The following DENND4A variants were observed in gnomAD, a reference collection of about 807,000 sequenced individuals.
The protein encoded by DENND4A is DENN domain containing 4A.
Under a neutral mutation model 199.3 loss-of-function variants are expected in DENND4A, and 70 were observed. The ratio of observed to expected loss-of-function variants is 0.35; its 90% CI spans 0.29 to 0.43. The LOEUF (loss-of-function observed/expected upper bound fraction) is 0.43. Ranked by LOEUF, DENND4A falls within the 20% of genes least tolerant of loss-of-function variation. DENND4A has a pLI of 1.00. For missense variants in DENND4A, 1,723 were observed against 2,255.8 expected (o/e 0.76, Z 4.78); for synonymous variants, 686 against 766.9 (o/e 0.89, Z 1.74).
intron 4 of DENND4A, among the ~76,000 whole-genome samples, chr15:65,742,494 C>A (rs1206681195): frequency 6.7e-6 from 1 of 149,908 alleles, no homozygotes; most frequent in East Asian, 2.0e-4. Flanking sequence ...GGTGCAATCT[C>A]AGCTCACTGC....
intron 11 of DENND4A, among the ~76,000 whole-genome samples, chr15:65,727,069 T>C (rs1030572701): frequency 2.0e-5 from 3 of 152,132 alleles, no homozygotes; most frequent in Non-Finnish European, 2.9e-5. Context: ...ATCCCAATGC[T>C]TTGAGATGCC....
chr15:65,785,679 C>T (rs974523579), intron 1 of DENND4A, among the ~76,000 whole-genome samples: 1 of 151,822 alleles, frequency 6.6e-6, no homozygotes, highest in African/African-American at 2.4e-5. Flanking sequence ...AAAATAACTA[C>T]GTATATAATA....
At chr15:65,662,834 G>T (rs8027260) in intron 32 of DENND4A, among the ~76,000 whole-genome samples, 83,371 of 151,928 alleles carry the variant, frequency 0.55, 24,912 homozygotes, top group East Asian at 0.81. Flanking sequence ...AAGGCTTGTT[G>T]GAGTTGAGTC....
At chr15:65,740,715 C>G (rs190183863) in intron 5 of DENND4A, among the ~76,000 whole-genome samples, 44 of 151,756 alleles carry the variant, frequency 2.9e-4, no homozygotes, top group Admixed American at 1.1e-3. Flanking sequence ...AATCCCATCA[C>G]TTTAGGAGGC....
rs1038091769 is a variant in DENND4A at position 65,733,569 on chromosome 15, G to A, written c.1041-751C>T. 9.9e-5 allele frequency among the ~76,000 whole-genome samples: 15 copies of A among 152,074 alleles called. No individual in the cohort carries two copies. In the South Asian group the frequency reaches 1.7e-3, roughly 17 times the overall value. Reference sequence around the variant, plus strand: ...ATTTATTAATTTACAAATATGTTTTGACTGTTTACTATATAAAAACACACC... The same window carrying A: ...ATTTATTAATTTACAAATATGTTTTAACTGTTTACTATATAAAAACACACC... On this transcript the variant is annotated intron_variant, in intron 7 of 32. Coordinates refer to ENST00000443035, the MANE Select transcript of DENND4A (RefSeq NM_001320835.1).
chr15:65,756,163 A>T lies in DENND4A; in HGVS notation c.288T>A (p.Asp96Glu). Residue 96 changes from aspartate to glutamate, a missense_variant, in exon 3 of 33, where the codon GAT becomes GAA. By Grantham distance (45) the Asp-to-Glu change is conservative. This residue lies in a region of DENND4A where 725 missense variants were observed against 952.9 expected (regional missense o/e 0.76). Coordinates refer to ENST00000443035, the MANE Select transcript of DENND4A (RefSeq NM_001320835.1). Reference sequence around the variant, plus strand: ...ACCCCAGATCTGTAAGTGGAGGCTTATCTCTTCCTCTTCTATAGCAAAGGT... The same window carrying T: ...ACCCCAGATCTGTAAGTGGAGGCTTTTCTCTTCCTCTTCTATAGCAAAGGT... ...QIYLCYRRGR[D>E]KPPLTDLGVL... is the part of the protein sequence containing the mutation. 6.2e-7 allele frequency: 1 copy of T among 1,609,490 alleles called. No homozygotes were observed. Among genetic ancestry groups the T allele is most frequent in the Non-Finnish European group, 8.5e-7 (1 of 1,177,684 alleles).
chr15:65,771,471 A>G, intron 1 of DENND4A: 1 of 1,609,390 alleles, frequency 6.2e-7, no homozygotes, highest in Non-Finnish European at 8.5e-7. Context: ...CCTGTTCCAG[A>G]TCTGGGATAG....
chr15:65,756,156 GA>G lies in DENND4A; in HGVS notation c.294del (p.Pro99HisfsTer15). On this transcript the variant is annotated frameshift_variant, in exon 3 of 33. Coordinates refer to ENST00000443035, the MANE Select transcript of DENND4A (RefSeq NM_001320835.1). LOFTEE classifies it high-confidence loss of function. ...AATACTTACCCCAGATCTGTAAGTG[GA>G]GGCTTATCTCTTCCTCTTCTATAGC... ...YLCYRRGRDK[P>X]PLTDLGVLYD... is the part of the protein sequence containing the mutation. 1 of 1,607,424 alleles carries G rather than the reference GA, an allele frequency of 6.2e-7. No individual in the cohort carries two copies.
At chr15:65,676,365 C>A in intron 24 of DENND4A, 80 bp downstream of exon 24, 1 of 1,206,886 alleles carries the variant, frequency 8.3e-7, no homozygotes, top group South Asian at 2.1e-5. Flanking sequence ...AACATTAAAT[C>A]ATAAAGAAAA....
intron 2 of DENND4A, among the ~76,000 whole-genome samples, chr15:65,757,037 C>CAAATAAAT (rs537036343): frequency 2.0e-5 from 3 of 151,972 alleles, no homozygotes; most frequent in East Asian, 1.9e-4. Flanking sequence ...AACTCCATCT[C>CAAATAAAT]AAATAAATAA....
At chr15:65,671,124 A>G (rs980011489) in intron 25 of DENND4A, among the ~76,000 whole-genome samples, 2 of 152,234 alleles carry the variant, frequency 1.3e-5, no homozygotes, top group African/African-American at 4.8e-5. Flanking sequence ...CCAAAAAAGT[A>G]TGCTTGCATA....
In DENND4A at chr15:65,792,244, T is replaced by C. The variant is rs1480822883; in HGVS notation, c.-336A>G. 2.0e-5 allele frequency: 3 copies of C among 151,310 alleles called. No homozygotes were observed. Among genetic ancestry groups the C allele is most frequent in the East Asian group, 2.0e-4 (1 of 4,994 alleles). 9.4% of individuals were successfully genotyped at this position (151,310 alleles called of 1,614,324 possible). A position where few individuals can be genotyped will look rare whatever the true frequency, so the allele number is the denominator to read the frequency against. On this transcript the variant is annotated 5_prime_UTR_variant, in exon 1 of 33. Coordinates refer to ENST00000443035, the MANE Select transcript of DENND4A (RefSeq NM_001320835.1). ...GCGGCCGCCACTGCCTCCGCCTCTT[T>C]CTCCGACTCTAGCCTCCGCGGCCAC...
chr15:65,682,762 T>G lies in DENND4A; in HGVS notation c.4180-6128A>C, dbSNP rs370671856. Among the ~76,000 whole-genome samples, 14 of 152,314 alleles carry G rather than the reference T, an allele frequency of 9.2e-5. 1 individual carries two copies. The highest frequency in any genetic ancestry group is 3.4e-4 in the African/African-American group (14 of 41,572). On this transcript the variant is annotated intron_variant, in intron 23 of 32. Coordinates refer to ENST00000443035, the MANE Select transcript of DENND4A (RefSeq NM_001320835.1). ...AAAGTGAAAAATGTGTGACTCGTCC[T>G]TTCATGTGAACACTTTAGAAGCCAC...
chr15:65,681,222 C>T (rs1472726603), intron 23 of DENND4A: 1 of 152,218 alleles, frequency 6.6e-6, no homozygotes, highest in African/African-American at 2.4e-5. Context: ...TGCATAATTC[C>T]TCCACTGAAG....
intron 4 of DENND4A, 62 bp downstream of exon 4, chr15:65,752,317 G>GTT: frequency 7.9e-6 from 2 of 251,854 alleles, no homozygotes; most frequent in Non-Finnish European, 7.1e-6. Flanking sequence ...AAAAAAAGAT[G>GTT]TATTTAAAAT....
chr15:65,732,884 T>C, intron 7 of DENND4A, 66 bp from the exon 8 acceptor site: 1 of 925,530 alleles, frequency 1.1e-6, no homozygotes, highest in East Asian at 2.5e-5. Context: ...GCTCAACATG[T>C]CATCACAAGT....
intron 32 of DENND4A, among the ~76,000 whole-genome samples, chr15:65,663,440 C>A (rs2075938055): frequency 6.6e-6 from 1 of 151,936 alleles, no homozygotes; most frequent in Admixed American, 6.5e-5. Context: ...AACTCCTGAC[C>A]TCAGATGATC....
At chr15:65,723,007 A>G (rs1596527836) in intron 11 of DENND4A, 59 bp from the exon 12 acceptor site, 2 of 1,328,156 alleles carry the variant, frequency 1.5e-6, no homozygotes, top group Non-Finnish European at 2.0e-6. Context: ...GGGGAAAGGT[A>G]TATATCTGTT....
chr15:65,687,956 T>C (rs1266921019), intron 23 of DENND4A, among the ~76,000 whole-genome samples: 8 of 152,330 alleles, frequency 5.3e-5, no homozygotes, highest in Non-Finnish European at 1.0e-4. Flanking sequence ...GTTTCAGCCA[T>C]TATTTTTTCA....
Sources: allele counts gnomAD v4.1 joint callset (sites outside exome capture counted in the v4.1 genomes callset), GRCh38; gene constraint gnomAD v4.1.1; regional missense constraint gnomAD v4.1.1; transcripts MANE v1.5; gene names NCBI Gene and HGNC (gene_info 2026-07-23, HGNC 2026-07-21).